Variants in PTPRD observed in about 807,000 individuals in gnomAD.
The protein encoded by PTPRD is protein tyrosine phosphatase receptor type D, also known as receptor-type tyrosine-protein phosphatase delta.
In PTPRD, 34 loss-of-function variants were observed where a neutral mutation model predicts 214.5. The ratio of observed to expected loss-of-function variants is 0.16; its 90% confidence interval spans 0.12 to 0.21. The LOEUF is 0.21. PTPRD is among the 10% of genes least tolerant of loss of function. The pLI, the probability that PTPRD is intolerant of heterozygous loss-of-function variation, is 1.00. For missense variants in PTPRD, 2,545 were observed against 2,398.7 expected, an observed-to-expected ratio of 1.06 and a Z score of -1.27; for synonymous variants, 1,128 against 845.7, an observed-to-expected ratio of 1.33 and a Z score of -5.79.
chr9:8,433,107 A>T (rs1478111828), intron 35 of PTPRD, among the ~76,000 whole-genome samples: 1 of 152,212 alleles, frequency 6.6e-6, no homozygotes, highest in Non-Finnish European at 1.5e-5. Context: ...CTGCATAATG[A>T]CATTTCAGTC....
chr9:9,494,357 T>C (rs566568375), intron 8 of PTPRD, among the ~76,000 whole-genome samples: 3 of 152,300 alleles, frequency 2.0e-5, no homozygotes, highest in East Asian at 1.9e-4. Flanking sequence ...TCAAACAGCA[T>C]TGCATAGAAC....
intron 14 of PTPRD, among the ~76,000 whole-genome samples, chr9:8,530,698 T>G (rs1319910835): frequency 3.3e-5 from 5 of 152,110 alleles, no homozygotes; most frequent in African/African-American, 2.4e-5. Flanking sequence ...TATATCCTAC[T>G]ATGCAGAACT....
At chr9:10,543,737 G>A (rs1376906617) in intron 2 of PTPRD, among the ~76,000 whole-genome samples, 2 of 152,178 alleles carry the variant, frequency 1.3e-5, no homozygotes, top group Non-Finnish European at 2.9e-5. Flanking sequence ...GTTGGCTCTG[G>A]TGCCAAGAGC....
At chr9:9,146,215 G>A (rs375014013) in intron 10 of PTPRD, among the ~76,000 whole-genome samples, 7 of 152,054 alleles carry the variant, frequency 4.6e-5, no homozygotes, top group African/African-American at 1.7e-4. Context: ...GTTAGTACCT[G>A]TATTAAACAC....
chr9:9,252,289 C>T (rs2131629876), intron 9 of PTPRD, among the ~76,000 whole-genome samples: 1 of 151,882 alleles, frequency 6.6e-6, no homozygotes, highest in East Asian at 1.9e-4. Context: ...ATGGCATGTC[C>T]CTTTTTGTAT....
intron 2 of PTPRD, among the ~76,000 whole-genome samples, chr9:10,439,189 C>G (rs990683031): frequency 6.6e-6 from 1 of 151,674 alleles, no homozygotes; most frequent in African/African-American, 2.4e-5. Context: ...ATACAGAGAC[C>G]TTCGTTCAGA....
chr9:10,469,739 C>A (rs1588904200), intron 2 of PTPRD, among the ~76,000 whole-genome samples: 2 of 152,042 alleles, frequency 1.3e-5, no homozygotes, highest in South Asian at 4.1e-4. Flanking sequence ...TTCACAGTAG[C>A]CAATATATAG....
intron 8 of PTPRD, among the ~76,000 whole-genome samples, chr9:9,463,292 T>G (rs555413225): frequency 7.9e-5 from 12 of 152,242 alleles, no homozygotes; most frequent in Non-Finnish European, 1.3e-4. Context: ...CAGGAATAAT[T>G]GTCACAACAA....
chr9:8,991,533 A>G (rs1302971943), intron 11 of PTPRD, among the ~76,000 whole-genome samples: 1 of 152,126 alleles, frequency 6.6e-6, no homozygotes, highest in East Asian at 1.9e-4. Context: ...TGTATGAAGG[A>G]CTTGTGTATC....
chr9:9,066,842 G>C (rs1338852060), intron 10 of PTPRD, among the ~76,000 whole-genome samples: 1 of 152,188 alleles, frequency 6.6e-6, no homozygotes, highest in Non-Finnish European at 1.5e-5. Context: ...CCTTAATTTT[G>C]ACCCAGTGAC....
intron 3 of PTPRD, among the ~76,000 whole-genome samples, chr9:10,083,179 T>A (rs1394840823): frequency 6.6e-6 from 1 of 151,972 alleles, no homozygotes; most frequent in African/African-American, 2.4e-5. Context: ...CCCCAGAAAT[T>A]GTTCTCTTAT....
chr9:9,257,002 C>A (rs912917824), intron 9 of PTPRD, among the ~76,000 whole-genome samples: 2 of 151,988 alleles, frequency 1.3e-5, no homozygotes, highest in African/African-American at 2.4e-5. Context: ...TCAATTAATT[C>A]TTTAAGGGTT....
chr9:9,769,863 G>C (rs1269379492), intron 5 of PTPRD, among the ~76,000 whole-genome samples: 3 of 152,028 alleles, frequency 2.0e-5, no homozygotes, highest in African/African-American at 7.3e-5. Context: ...TGTGGTGTCT[G>C]GTTTTCTGTT....
chr9:9,405,349 G>C (rs893135212), intron 8 of PTPRD, among the ~76,000 whole-genome samples: 1 of 151,974 alleles, frequency 6.6e-6, no homozygotes, highest in Non-Finnish European at 1.5e-5. Flanking sequence ...CAGGTTCCTC[G>C]AGGGTTACCA....
chr9:8,410,189 T>C (rs879915541), intron 35 of PTPRD, among the ~76,000 whole-genome samples: 2 of 152,214 alleles, frequency 1.3e-5, no homozygotes, highest in Non-Finnish European at 2.9e-5. Flanking sequence ...TTTTGCACAA[T>C]TAGTAAAAGC....
At chr9:8,430,014 T>G (rs1405848902) in intron 35 of PTPRD, among the ~76,000 whole-genome samples, 2 of 152,186 alleles carry the variant, frequency 1.3e-5, no homozygotes, top group Admixed American at 6.5e-5. Context: ...GTCCAAAATG[T>G]GACTTGTAAG....
intron 9 of PTPRD, among the ~76,000 whole-genome samples, chr9:9,363,512 T>A (rs570243251): frequency 6.6e-6 from 1 of 151,570 alleles, no homozygotes; most frequent in East Asian, 1.9e-4. Context: ...ATGTCGATCA[T>A]AAATTGCTAG....
At chr9:10,394,781 A>T (rs983955594) in intron 2 of PTPRD, among the ~76,000 whole-genome samples, 2 of 34,598 alleles carry the variant, frequency 5.8e-5, no homozygotes, top group Non-Finnish European at 1.1e-4. Context: ...ATTTTTGTTA[A>T]ATAGAATAAA....
chr9:8,447,769 T>C (rs1040948146), intron 34 of PTPRD, among the ~76,000 whole-genome samples: 3 of 152,140 alleles, frequency 2.0e-5, no homozygotes, highest in Admixed American at 2.0e-4. Context: ...TGTTTCTGCC[T>C]CCGGTGGAAG....
Sources: allele counts gnomAD v4.1 joint callset (sites outside exome capture counted in the v4.1 genomes callset), GRCh38; gene constraint gnomAD v4.1.1; transcripts MANE v1.5; gene names NCBI Gene and HGNC (gene_info 2026-07-23, HGNC 2026-07-21).